Variants in TRIO observed in about 807,000 individuals in gnomAD.
TRIO encodes trio Rho guanine nucleotide exchange factor.
In TRIO, 58 loss-of-function variants were observed where a neutral mutation model predicts 351.9. The ratio of observed to expected loss-of-function variants is 0.16; its 90% CI spans 0.13 to 0.21. The LOEUF is 0.21. TRIO is among the 10% of genes least tolerant of loss of function. The probability of loss-of-function intolerance (pLI) is 1.00; values close to 1 mark genes in which losing one functional copy is unlikely to be tolerated. For missense variants in TRIO, 3,201 were observed against 4,027.8 expected, an observed-to-expected ratio of 0.79 and a Z score of 5.56; for synonymous variants, 1,758 against 1,595.7, an observed-to-expected ratio of 1.10 and a Z score of -2.42.
chr5:14,504,624 A>G (rs773137739), intron 55 of TRIO, 31 bp downstream of exon 55: 7 of 1,609,000 alleles, frequency 4.4e-6, no homozygotes, highest in South Asian at 1.1e-5. Context: ...CCCTCTGCCC[A>G]GCCCTCTGCC....
chr5:14,392,653 A>G (rs890388669), intron 27 of TRIO, among the ~76,000 whole-genome samples: 1 of 152,268 alleles, frequency 6.6e-6, no homozygotes, highest in Non-Finnish European at 1.5e-5. Context: ...ACTGTTCACA[A>G]TAGCAAAGAG....
intron 1 of TRIO, among the ~76,000 whole-genome samples, chr5:14,169,771 T>C (rs1450842351): frequency 6.6e-6 from 1 of 152,214 alleles, no homozygotes; most frequent in Non-Finnish European, 1.5e-5. Context: ...CTTTGGAAAA[T>C]TAAAGTGATA....
rs571000083 is a variant in TRIO, at chr5:14,159,112, T to A, written c.157+15230T>A. On this transcript the variant is annotated intron_variant, in intron 1 of 56. Transcript: ENST00000344204. ...ATCCGCCTGTGCTGGTGTCTCCTAC[T>A]CTGACGTGCGTCTCTTATGGAGGAA... Among the ~76,000 whole-genome samples, 8 of 152,298 alleles carry A rather than the reference T, an allele frequency of 5.3e-5. No homozygotes were observed. The East Asian group carries it at 1.5e-3, about 29-fold the overall frequency.
chr5:14,344,814 G>C (rs996406961), intron 11 of TRIO, among the ~76,000 whole-genome samples: 7 of 152,108 alleles, frequency 4.6e-5, no homozygotes, highest in African/African-American at 1.7e-4. Context: ...CCTTTCGTGG[G>C]ATATACACAA....
chr5:14,423,564 T>A (rs1325516723), intron 34 of TRIO, among the ~76,000 whole-genome samples: 1 of 152,172 alleles, frequency 6.6e-6, no homozygotes, highest in East Asian at 1.9e-4. Context: ...TTTCACCTTT[T>A]CCCTTTCTTC....
intron 1 of TRIO, among the ~76,000 whole-genome samples, chr5:14,258,040 AC>A (rs368915850): frequency 6.6e-6 from 1 of 151,894 alleles, no homozygotes; most frequent in Non-Finnish European, 1.5e-5. Flanking sequence ...GCCCACAGTC[AC>A]CCCCCCTGGG....
At chr5:14,217,704 G>A (rs975542925) in intron 1 of TRIO, among the ~76,000 whole-genome samples, 1 of 152,178 alleles carries the variant, frequency 6.6e-6, no homozygotes, top group Non-Finnish European at 1.5e-5. Flanking sequence ...CATTCTAGAA[G>A]TGTGTGTGGC....
chr5:14,204,381 A>G (rs574402776), intron 1 of TRIO, among the ~76,000 whole-genome samples: 1 of 152,238 alleles, frequency 6.6e-6, no homozygotes, highest in South Asian at 2.1e-4. Flanking sequence ...CAGAGGAGGA[A>G]GAGTGTGAAC....
chr5:14,447,473 A>G (rs1238281394), intron 34 of TRIO, among the ~76,000 whole-genome samples: 3 of 152,234 alleles, frequency 2.0e-5, no homozygotes, highest in Non-Finnish European at 4.4e-5. Context: ...TACATGAATG[A>G]AGAGAAATCA....
chr5:14,414,562 A>C (rs947430216), intron 33 of TRIO, among the ~76,000 whole-genome samples: 7 of 152,134 alleles, frequency 4.6e-5, no homozygotes, highest in Non-Finnish European at 8.8e-5. Flanking sequence ...TACAGTGTTG[A>C]GTATGGTAAG....
intron 1 of TRIO, among the ~76,000 whole-genome samples, chr5:14,243,495 G>A (rs578084509): frequency 6.6e-6 from 1 of 152,144 alleles, no homozygotes; most frequent in African/African-American, 2.4e-5. Context: ...CTTTTATTAT[G>A]AGAGTCTCTT....
rs759080620 is a variant in TRIO at position 14,400,953 on chromosome 5, T to A, written c.4615-10T>A. On this transcript the variant is annotated splice_polypyrimidine_tract_variant and intron_variant, in intron 30 of 56. Coordinates refer to ENST00000344204, the MANE Select transcript of TRIO (RefSeq NM_007118.4). ...CTGTCACCTAATTATATAATTGTCT[T>A]TTTATCCAGACCTCAGAGTTGGGTG... 53 of 1,613,164 alleles carry A rather than the reference T, an allele frequency of 3.3e-5. No homozygotes were observed. The South Asian group carries it at 4.5e-4, about 14-fold the overall frequency.
At chr5:14,215,892 T>C (rs934366425) in intron 1 of TRIO, among the ~76,000 whole-genome samples, 5 of 152,222 alleles carry the variant, frequency 3.3e-5, no homozygotes, top group Non-Finnish European at 7.3e-5. Flanking sequence ...TTGGTTATTT[T>C]AAAAATTTTC....
chr5:14,487,753 C>A lies in TRIO; in HGVS notation c.7125C>A (p.Ser2375=). Residue 2375 remains serine, a synonymous_variant, in exon 48 of 57, where the codon TCC becomes TCA. Transcript: ENST00000344204. Reference sequence around the variant, plus strand: ...CAGGTACGTCCACCCCCGGGCCCTCCCTGCCTCCCCCTGGCGCGGCCCCCG... The same window carrying A: ...CAGGTACGTCCACCCCCGGGCCCTCACTGCCTCCCCCTGGCGCGGCCCCCG... The part of the protein sequence containing the change: ...KMSGTSTPGP[S]LPPPGAAPEA... 1 of 1,389,998 alleles carries A rather than the reference C, an allele frequency of 7.2e-7. No homozygotes were observed. The highest frequency in any genetic ancestry group is 3.2e-5 in the East Asian group (1 of 31,052). 86.1% of individuals were successfully genotyped at this position (1,389,998 alleles called of 1,614,324 possible).
At chr5:14,438,687 C>T (rs2126317344) in intron 34 of TRIO, among the ~76,000 whole-genome samples, 1 of 152,370 alleles carries the variant, frequency 6.6e-6, no homozygotes, top group Admixed American at 6.5e-5. Context: ...GGCGTCAAAA[C>T]TTATTTCCAG....
intron 31 of TRIO, among the ~76,000 whole-genome samples, chr5:14,403,703 GTGGTGAGGGTGTAGGTT>G: frequency 7.5e-6 from 1 of 132,974 alleles, no homozygotes; most frequent in Non-Finnish European, 1.6e-5. Flanking sequence ...GGTGTAGGTT[GTGGTGAGGGTGTAGGTT>G]GTGGTGAGGG....
chr5:14,174,002 G>A (rs554388877), intron 1 of TRIO, among the ~76,000 whole-genome samples: 2 of 152,360 alleles, frequency 1.3e-5, no homozygotes, highest in South Asian at 2.1e-4. Flanking sequence ...ATTTATGCAA[G>A]GCTGTTGTAG....
intron 1 of TRIO, among the ~76,000 whole-genome samples, chr5:14,223,744 GTCA>G (rs1347192538): frequency 6.6e-6 from 1 of 152,252 alleles, no homozygotes; most frequent in Admixed American, 6.5e-5. Flanking sequence ...TCATTTGAAG[GTCA>G]TCATCTCCCT....
intron 1 of TRIO, among the ~76,000 whole-genome samples, chr5:14,212,312 A>T (rs944663518): frequency 3.3e-5 from 5 of 152,074 alleles, no homozygotes; most frequent in Non-Finnish European, 7.4e-5. Context: ...TCGCCCAAGT[A>T]TGTTGATTTG....
Sources: allele counts gnomAD v4.1 joint callset (sites outside exome capture counted in the v4.1 genomes callset), GRCh38; gene constraint gnomAD v4.1.1; transcripts MANE v1.5; gene names NCBI Gene and HGNC (gene_info 2026-07-23, HGNC 2026-07-21).